Variants in CRKL observed in about 807,000 individuals in gnomAD.
CRKL encodes CRK like proto-oncogene, adaptor protein.
CRKL carries 3 observed loss-of-function variants against 23.0 expected under a neutral mutation model. The observed-to-expected ratio is 0.13, with a 90% CI of 0.06 to 0.34. The LOEUF (loss-of-function observed/expected upper bound fraction) is 0.34, where lower values mean the gene tolerates loss of function less well. CRKL is among the 10% of genes least tolerant of loss of function. CRKL has a pLI of 1.00. For missense variants in CRKL, 256 were observed against 394.5 expected, an observed-to-expected ratio of 0.65 and a Z score of 2.97; for synonymous variants, 188 against 160.7, an observed-to-expected ratio of 1.17 and a Z score of -1.28.
chr22:20,926,867 C>G (rs952200299), intron 1 of CRKL, among the ~76,000 whole-genome samples: 1 of 151,808 alleles, frequency 6.6e-6, no homozygotes, highest in Admixed American at 6.6e-5. Context: ...ATCCTAGCAC[C>G]TTGGGAGGCG....
rs1372918894 is a variant in CRKL, at chr22:20,950,835, C to A, written c.*990C>A. 2.2e-5 allele frequency: 5 copies of A among 230,846 alleles called. No individual in the cohort carries two copies. Among genetic ancestry groups the A allele is most frequent in the Non-Finnish European group, 4.3e-5 (5 of 116,698 alleles). 14.3% of individuals were successfully genotyped at this position (230,846 alleles called of 1,614,324 possible). A position where few individuals can be genotyped will look rare whatever the true frequency, so the allele number is the denominator to read the frequency against. ...TGTAACTAAAGGAATCTGAAAAGAA[C>A]AACCCTGAAGCAGAGGCCTTTATTG... On this transcript the variant is annotated 3_prime_UTR_variant, in exon 3 of 3. Transcript: ENST00000354336.
In CRKL at chr22:20,950,595, T is replaced by C. The variant is rs1483007683; in HGVS notation, c.*750T>C. 3 of 216,006 alleles carry C rather than the reference T, an allele frequency of 1.4e-5. No homozygotes were observed. The highest frequency in any genetic ancestry group is 6.8e-5 in the African/African-American group (3 of 44,350). The allele number at this position is 216,006 out of a possible 1,614,324, so 13.4% of individuals were successfully genotyped here. A position where few individuals can be genotyped will look rare whatever the true frequency, so the allele number is the denominator to read the frequency against. Reference sequence around the variant, plus strand: ...GCCCAGCTAATTTTTGTATTTTTAGTAGAGACGGGGTTTCATCATGTTGAC... The same window carrying C: ...GCCCAGCTAATTTTTGTATTTTTAGCAGAGACGGGGTTTCATCATGTTGAC... On this transcript the variant is annotated 3_prime_UTR_variant, in exon 3 of 3. Transcript: ENST00000354336.
chr22:20,932,282 G>C (rs1451431021), intron 1 of CRKL, among the ~76,000 whole-genome samples: 1 of 151,994 alleles, frequency 6.6e-6, no homozygotes, highest in Non-Finnish European at 1.5e-5. Flanking sequence ...CTCATTTTTT[G>C]TCTGTTTAGT....
At position 20,934,001 on chromosome 22, in the gene CRKL, C is replaced by T. The variant is rs752182830; in HGVS notation, c.534C>T (p.Val178=). ...GRVGMIPVPY[V]EKLVRSSPHG... ...TTGGGATGATTCCTGTCCCTTATGT[C>T]GAAAAGCTTGTGAGATCCTCACCAC... is the stretch of plus-strand genomic sequence containing the variant. The change falls in exon 2 of 3, where the codon GTC becomes GTT. Residue 178 remains valine (V), a synonymous_variant. Coordinates refer to ENST00000354336, the MANE Select transcript of CRKL (RefSeq NM_005207.4). The T allele has an allele frequency of 1.4e-5, 23 of 1,613,994 alleles. No homozygotes were observed. Among genetic ancestry groups the T allele is most frequent in the South Asian group, 4.4e-5 (4 of 91,080 alleles).
At chr22:20,930,349 A>G (rs971698530) in intron 1 of CRKL, among the ~76,000 whole-genome samples, 5 of 152,178 alleles carry the variant, frequency 3.3e-5, no homozygotes, top group Non-Finnish European at 5.9e-5. Context: ...AGTCATAGAC[A>G]ATACGTAAAT....
Position 20,952,495 on chromosome 22 carries a change from G to T in CRKL, c.*2650G>T, listed in dbSNP as rs1184678408. 3 of 231,372 alleles carry T rather than the reference G, an allele frequency of 1.3e-5. No homozygotes were observed. Among genetic ancestry groups the T allele is most frequent in the African/African-American group, 2.2e-5 (1 of 45,202 alleles). 14.3% of individuals were successfully genotyped at this position (231,372 alleles called of 1,614,324 possible). A position where few individuals can be genotyped will look rare whatever the true frequency, so the allele number is the denominator to read the frequency against. ...TAAAACTTAACGGACTTACAACCTT[G>T]TCAGTTTTTTTAATGAGGCAGGGAT... On this transcript the variant is annotated 3_prime_UTR_variant, in exon 3 of 3. Coordinates refer to ENST00000354336, the MANE Select transcript of CRKL (RefSeq NM_005207.4).
intron 1 of CRKL, among the ~76,000 whole-genome samples, chr22:20,932,310 A>G (rs1032135004): frequency 6.6e-6 from 1 of 151,868 alleles, no homozygotes; most frequent in Non-Finnish European, 1.5e-5. Context: ...GGGTTTTGAT[A>G]TGTTGGACAG....
chr22:20,926,175 G>T (rs3827296), intron 1 of CRKL, among the ~76,000 whole-genome samples: 2 of 152,110 alleles, frequency 1.3e-5, no homozygotes, highest in South Asian at 2.1e-4. Context: ...TGTAGATGAT[G>T]GGCAGGAACC....
chr22:20,929,752 C>T (rs1297025901), intron 1 of CRKL, among the ~76,000 whole-genome samples: 1 of 152,146 alleles, frequency 6.6e-6, no homozygotes, highest in Non-Finnish European at 1.5e-5. Flanking sequence ...TGAGCCACTG[C>T]GCCTGGGCAA....
intron 1 of CRKL, among the ~76,000 whole-genome samples, chr22:20,921,955 G>T (rs1415396467): frequency 1.3e-5 from 2 of 148,636 alleles, no homozygotes; most frequent in African/African-American, 5.0e-5. Flanking sequence ...TGATCCGCCC[G>T]CCTCGGCCTC....
At chr22:20,944,796 C>A (rs1031744175) in intron 2 of CRKL, among the ~76,000 whole-genome samples, 2 of 151,930 alleles carry the variant, frequency 1.3e-5, no homozygotes, top group African/African-American at 4.8e-5. Context: ...CTCCATTGCC[C>A]AGGCTAGAGT....
chr22:20,926,148 G>T (rs1921194570), intron 1 of CRKL, among the ~76,000 whole-genome samples: 1 of 152,142 alleles, frequency 6.6e-6, no homozygotes. Context: ...TGCTGGTAAA[G>T]ACACAGTTAT....
chr22:20,950,042 A>G lies in CRKL; in HGVS notation c.*197A>G. On this transcript the variant is annotated 3_prime_UTR_variant, in exon 3 of 3. Coordinates refer to ENST00000354336, the MANE Select transcript of CRKL (RefSeq NM_005207.4). ...GTTTGTATCATAGTCGTATTGTCAA[A>G]GAGTAGCCGATTTTAGAGTTCTTTT... is the stretch of plus-strand genomic sequence containing the variant. 1 of 623,560 alleles carries G rather than the reference A, an allele frequency of 1.6e-6. No individual in the cohort carries two copies. The highest frequency in any genetic ancestry group is 2.5e-5 in the South Asian group (1 of 39,616). 38.6% of individuals were successfully genotyped at this position (623,560 alleles called of 1,614,324 possible).
intron 1 of CRKL, among the ~76,000 whole-genome samples, chr22:20,920,615 C>T (rs2147894075): frequency 6.6e-6 from 1 of 152,274 alleles, no homozygotes; most frequent in East Asian, 1.9e-4. Flanking sequence ...ATGCATGCAT[C>T]TTCTTAGAGA....
intron 2 of CRKL, among the ~76,000 whole-genome samples, chr22:20,936,508 C>G (rs889872773): frequency 1.3e-5 from 2 of 151,798 alleles, no homozygotes; most frequent in Non-Finnish European, 2.9e-5. Context: ...GCCACCATGC[C>G]CGGCTAATTT....
rs1017685684 is a variant in CRKL, at chr22:20,917,958, C to T, written c.24C>T (p.Ser8=). 8.1e-6 allele frequency: 13 copies of T among 1,613,878 alleles called. No homozygotes were observed. The highest frequency in any genetic ancestry group is 1.7e-5 in the Admixed American group (1 of 59,980). The change falls in exon 1 of 3, where the codon TCC becomes TCT. Residue 8 remains serine, a synonymous_variant. Transcript: ENST00000354336. Reference sequence around the variant, plus strand: ...CCATGTCCTCCGCCAGGTTCGACTCCTCGGACCGCTCCGCCTGGTATATGG... The same window carrying T: ...CCATGTCCTCCGCCAGGTTCGACTCTTCGGACCGCTCCGCCTGGTATATGG... The part of the protein sequence containing the change: MSSARFD[S]SDRSAWYMGP...
intron 1 of CRKL, among the ~76,000 whole-genome samples, chr22:20,932,086 C>T (rs987325488): frequency 3.3e-5 from 5 of 152,126 alleles, no homozygotes; most frequent in African/African-American, 1.2e-4. Flanking sequence ...GCTGGGATTA[C>T]AGGCATGAGC....
intron 1 of CRKL, among the ~76,000 whole-genome samples, chr22:20,930,890 G>A (rs529634538): frequency 3.1e-4 from 46 of 150,410 alleles, no homozygotes; most frequent in African/African-American, 1.1e-3. Context: ...CACCGTGTTA[G>A]CCAGGATGGT....
At chr22:20,918,479 G>A (rs1929773569) in intron 1 of CRKL, among the ~76,000 whole-genome samples, 1 of 151,912 alleles carries the variant, frequency 6.6e-6, no homozygotes, top group South Asian at 2.1e-4. Flanking sequence ...TGAAGAGGAT[G>A]CGTTTTGAAT....
Sources: allele counts gnomAD v4.1 joint callset (sites outside exome capture counted in the v4.1 genomes callset), GRCh38; gene constraint gnomAD v4.1.1; transcripts MANE v1.5; gene names NCBI Gene and HGNC (gene_info 2026-07-23, HGNC 2026-07-21).